Variants in ZMYM2 observed in about 807,000 individuals in gnomAD.
The protein encoded by ZMYM2 is zinc finger MYM-type containing 2.
A neutral mutation model predicts 162.8 loss-of-function variants in ZMYM2; 56 were observed. The ratio of observed to expected loss-of-function variants is 0.34; its 90% confidence interval spans 0.28 to 0.43. ZMYM2 has a LOEUF of 0.43. Ranked by LOEUF, ZMYM2 falls within the 20% of genes least tolerant of loss-of-function variation. The pLI is 1.00. For missense variants in ZMYM2, 1,275 were observed against 1,621.8 expected, an observed-to-expected ratio of 0.79 and a Z score of 3.67; for synonymous variants, 510 against 541.6, an observed-to-expected ratio of 0.94 and a Z score of 0.81.
the ZMYM2 span, among the ~76,000 whole-genome samples, chr13:19,949,440 A>G: frequency 3.9e-5 from 6 of 152,172 alleles, no homozygotes; most frequent in South Asian, 1.2e-3. Flanking sequence ...AACAGAAAAC[A>G]AAAATTAGCT....
In ZMYM2 at chr13:20,051,514, G is replaced by C; in HGVS notation, c.2374G>C (p.Asp792His). The C allele has an allele frequency of 1.2e-6, 2 of 1,613,568 alleles. No individual in the cohort carries two copies. Among genetic ancestry groups the C allele is most frequent in the Non-Finnish European group, 1.7e-6 (2 of 1,179,628 alleles). Reference protein sequence around the residue: ...QWRGEMKHFCDQHCLLRFYCQ... With the variant: ...QWRGEMKHFCHQHCLLRFYCQ... Reference sequence around the variant, plus strand: ...GCGTGGGGAAATGAAACATTTCTGTGATCAACATTGCTTACTGCGTTTCTA... The same window carrying C: ...GCGTGGGGAAATGAAACATTTCTGTCATCAACATTGCTTACTGCGTTTCTA... The change falls in exon 13 of 25, where the codon GAT becomes CAT. Residue 792 changes from aspartate to histidine, a missense_variant. By Grantham distance (81) the Asp-to-His change is moderately conservative (BLOSUM62 -1). Around this residue, in one of 10 missense-constraint regions of ZMYM2, gnomAD observed 177 missense variants for 228.0 expected, o/e 0.78. Transcript: ENST00000610343.
intron 3 of ZMYM2, among the ~76,000 whole-genome samples, chr13:19,995,043 C>T (rs1566248642): frequency 6.6e-6 from 1 of 150,596 alleles, no homozygotes; most frequent in African/African-American, 2.4e-5. Flanking sequence ...CGGAGTCTTA[C>T]TGTGTTGCCC....
intron 2 of ZMYM2, among the ~76,000 whole-genome samples, chr13:19,973,529 G>A (rs1304452287): frequency 6.6e-6 from 1 of 151,742 alleles, no homozygotes; most frequent in Non-Finnish European, 1.5e-5. Context: ...AAATTAGCAG[G>A]GCGTGGTGGT....
the ZMYM2 span, among the ~76,000 whole-genome samples, chr13:19,946,639 A>G: frequency 6.6e-6 from 1 of 152,194 alleles, no homozygotes; most frequent in African/African-American, 2.4e-5. Flanking sequence ...CCATGAGGGT[A>G]GGAACTACAT....
the ZMYM2 span, among the ~76,000 whole-genome samples, chr13:19,884,844 T>C: frequency 6.6e-6 from 1 of 152,190 alleles, no homozygotes; most frequent in African/African-American, 2.4e-5. Flanking sequence ...AAAGAAAACC[T>C]GAGCACATCA....
In ZMYM2 at chr13:20,086,099, T is replaced by G. The variant is rs1958252836; in HGVS notation, c.*85T>G. On this transcript the variant is annotated 3_prime_UTR_variant, in exon 25 of 25. Coordinates refer to ENST00000610343, the MANE Select transcript of ZMYM2 (RefSeq NM_197968.4). ...CTTTATTATGGAAAACATTTCAAGT[T>G]TACTCCTTCTGTTTTGAGTTTTGTA... 7.2e-7 allele frequency: 1 copy of G among 1,387,668 alleles called. No individual in the cohort carries two copies. The highest frequency in any genetic ancestry group is 1.4e-5 in the African/African-American group (1 of 69,834). 86.0% of individuals were successfully genotyped at this position (1,387,668 alleles called of 1,614,324 possible).
At chr13:19,890,855 G>T in the ZMYM2 span, among the ~76,000 whole-genome samples, 1 of 149,456 alleles carries the variant, frequency 6.7e-6, no homozygotes. Context: ...CTGGGCAACA[G>T]AGCAAGACTC....
chr13:20,002,511 G>T (rs1463502482), intron 3 of ZMYM2, among the ~76,000 whole-genome samples: 1 of 152,056 alleles, frequency 6.6e-6, no homozygotes, highest in Non-Finnish European at 1.5e-5. Context: ...TTAAAAAATT[G>T]ACAAAACTTG....
chr13:20,049,154 T>TTATTA (rs1487905777), intron 12 of ZMYM2, among the ~76,000 whole-genome samples: 1 of 143,466 alleles, frequency 7.0e-6, no homozygotes, highest in Non-Finnish European at 1.5e-5. Flanking sequence ...AAAGTTGGAA[T>TTATTA]TATTAGTATT....
chr13:19,918,393 C>T, the ZMYM2 span, among the ~76,000 whole-genome samples: 2 of 151,052 alleles, frequency 1.3e-5, no homozygotes, highest in South Asian at 2.1e-4. Flanking sequence ...TCCAGTGAGC[C>T]GAGATCGCAC....
intron 12 of ZMYM2, among the ~76,000 whole-genome samples, chr13:20,045,778 T>A (rs1211068491): frequency 6.6e-6 from 1 of 152,198 alleles, no homozygotes; most frequent in Non-Finnish European, 1.5e-5. Context: ...ATGATTTCCC[T>A]GTTGTTTTAC....
the ZMYM2 span, among the ~76,000 whole-genome samples, chr13:19,917,330 T>C: frequency 1.3e-5 from 2 of 152,052 alleles, no homozygotes; most frequent in Non-Finnish European, 2.9e-5. Flanking sequence ...GGCTCACGCC[T>C]GTAATCCCTG....
At chr13:19,874,543 T>G in the ZMYM2 span, among the ~76,000 whole-genome samples, 44 of 152,298 alleles carry the variant, frequency 2.9e-4, no homozygotes, top group East Asian at 6.9e-3. Context: ...CATTCCAATC[T>G]TCACTTCCAT....
chr13:19,980,966 A>AT (rs1446220306), intron 2 of ZMYM2, among the ~76,000 whole-genome samples: 42 of 151,820 alleles, frequency 2.8e-4, no homozygotes, highest in Non-Finnish European at 1.6e-4. Context: ...ACCGTGATGA[A>AT]TTCACGGATT....
At position 20,023,867 on chromosome 13, in the gene ZMYM2, C is replaced by T. The variant is rs543395960; in HGVS notation, c.1585-2745C>T. On this transcript the variant is annotated intron_variant, in intron 7 of 24. Transcript: ENST00000610343. ...GTTCTTTGAGGCAGCGGTAGCTGTG[C>T]AAGTGGCAGTATTGAAATATTCTCA... is the stretch of plus-strand genomic sequence containing the variant. Among the ~76,000 whole-genome samples, 3 of 152,004 alleles carry T rather than the reference C, an allele frequency of 2.0e-5. No individual in the cohort carries two copies. The South Asian group carries it at 6.2e-4, about 32-fold the overall frequency.
intron 12 of ZMYM2, among the ~76,000 whole-genome samples, chr13:20,048,375 G>A (rs1477575924): frequency 6.6e-6 from 1 of 151,298 alleles, no homozygotes; most frequent in Non-Finnish European, 1.5e-5. Context: ...TTTGGTCACC[G>A]GAGAATTCCT....
Position 20,082,112 on chromosome 13 carries a change from C to G in ZMYM2, c.3550C>G (p.Pro1184Ala). The G allele has an allele frequency of 6.2e-7, 1 of 1,602,924 alleles. No homozygotes were observed. The highest frequency in any genetic ancestry group is 1.1e-5 in the South Asian group (1 of 88,090). ...ELNKILRSWQPSILPDGSIFS... is the reference protein window; with the variant it reads ...ELNKILRSWQASILPDGSIFS... ...GAATAAAATACTGCGAAGCTGGCAA[C>G]CAAGCATACTTCCAGATGGTAATGC... The change falls in exon 22 of 25, where the codon CCA becomes GCA. Residue 1184 changes from proline (P) to alanine (A), a missense_variant. By Grantham distance (27) the Pro-to-Ala change is conservative (BLOSUM62 -1). Transcript: ENST00000610343.
the ZMYM2 span, among the ~76,000 whole-genome samples, chr13:19,934,169 AT>A: frequency 0.14 from 20,740 of 151,476 alleles, 1,689 homozygotes; most frequent in African/African-American, 0.22. Flanking sequence ...GTTTTAAATA[AT>A]TTTTTTTTGA....
chr13:20,009,407 T>TG (rs1280313280), intron 6 of ZMYM2, among the ~76,000 whole-genome samples: 3 of 152,222 alleles, frequency 2.0e-5, no homozygotes, highest in Admixed American at 6.5e-5. Context: ...TTAAACATTG[T>TG]GGTAGACTAT....
Sources: gnomAD v4.1 joint callset for allele counts (sites outside exome capture counted in the v4.1 genomes callset) on GRCh38, gnomAD v4.1.1 for gene constraint, gnomAD v4.1.1 regional missense constraint, MANE v1.5 for transcripts, NCBI Gene and HGNC (gene_info 2026-07-23, HGNC 2026-07-21) for gene names.